MIR2052HG: variants seen among roughly 807,000 people sequenced by gnomAD.
MIR2052HG encodes the protein MIR2052 host gene.
intron 2 of MIR2052HG, among the ~76,000 whole-genome samples, chr8:74,699,221 G>T (rs536243960): frequency 5.3e-4 from 81 of 152,100 alleles, no homozygotes; most frequent in Non-Finnish European, 9.0e-4. Flanking sequence ...AGAACTAAAA[G>T]TAGATCTACC....
chr8:74,690,136 C>T (rs1809224434), intron 2 of MIR2052HG, among the ~76,000 whole-genome samples: 1 of 152,160 alleles, frequency 6.6e-6, no homozygotes, highest in African/African-American at 2.4e-5. Context: ...CATGTATTTC[C>T]ATACGTTGTT....
chr8:74,683,997 G>T (rs1809152801), intron 2 of MIR2052HG, among the ~76,000 whole-genome samples: 2 of 152,020 alleles, frequency 1.3e-5, no homozygotes, highest in South Asian at 4.2e-4. Context: ...CATTTCTCTT[G>T]CTTTGTCTGG....
chr8:74,639,419 C>T (rs962225769), intron 2 of MIR2052HG, among the ~76,000 whole-genome samples: 1 of 152,088 alleles, frequency 6.6e-6, no homozygotes, highest in African/African-American at 2.4e-5. Context: ...CATACATATC[C>T]TAATAATCCA....
chr8:74,739,901 G>A (rs1809808243), intron 4 of MIR2052HG, among the ~76,000 whole-genome samples: 1 of 152,104 alleles, frequency 6.6e-6, no homozygotes, highest in South Asian at 2.1e-4. Flanking sequence ...AATAGTATGA[G>A]ATCAGCAGGT....
chr8:74,638,000 A>T (rs1808600632), intron 2 of MIR2052HG, among the ~76,000 whole-genome samples: 1 of 152,208 alleles, frequency 6.6e-6, no homozygotes, highest in Non-Finnish European at 1.5e-5. Flanking sequence ...TGGCATTGAT[A>T]GATATTTACA....
At chr8:74,632,354 G>A (rs539712408) in intron 2 of MIR2052HG, 83 of 152,244 alleles carry the variant, frequency 5.5e-4, no homozygotes, top group African/African-American at 1.9e-3. Flanking sequence ...CAGAGCCTGC[G>A]TTTGTGATTG....
intron 4 of MIR2052HG, chr8:74,752,437 C>G (rs1304034309): frequency 4.4e-6 from 2 of 451,560 alleles, no homozygotes; most frequent in Non-Finnish European, 4.4e-6. Context: ...ATTTCATGCA[C>G]TAGGCCCGCG....
chr8:74,716,257 A>G (rs1302639234), intron 4 of MIR2052HG, among the ~76,000 whole-genome samples: 1 of 152,168 alleles, frequency 6.6e-6, no homozygotes, highest in African/African-American at 2.4e-5. Flanking sequence ...GGGTGCTTGT[A>G]GTAGGCAGTT....
intron 2 of MIR2052HG, among the ~76,000 whole-genome samples, chr8:74,689,843 T>C (rs1424326109): frequency 1.3e-5 from 2 of 152,316 alleles, no homozygotes; most frequent in East Asian, 3.9e-4. Context: ...CTGAACACTA[T>C]GGGAGATTCT....
intron 2 of MIR2052HG, among the ~76,000 whole-genome samples, chr8:74,618,482 T>C (rs1437548756): frequency 6.6e-6 from 1 of 152,158 alleles, no homozygotes; most frequent in Non-Finnish European, 1.5e-5. Context: ...GGAGGGGGCT[T>C]ATAGTACATT....
At position 74,716,157 on chromosome 8, in the gene MIR2052HG, C is replaced by A. The variant is rs983436835; in HGVS notation, n.371+12475C>A. Among the ~76,000 whole-genome samples, 3 of 152,242 alleles carry A rather than the reference C, an allele frequency of 2.0e-5. No individual in the cohort carries two copies. In the East Asian group the frequency reaches 5.8e-4, roughly 29 times the overall value. ...TGTACAACACACCTTGGATGAGTGC[C>A]ACCTGAACAGTGAGGAAGCTGGTGT... On this transcript the variant is annotated intron_variant and non_coding_transcript_variant, in intron 4 of 6. Transcript: ENST00000523442.
intron 2 of MIR2052HG, among the ~76,000 whole-genome samples, chr8:74,664,731 C>T (rs1337637120): frequency 1.3e-5 from 2 of 151,996 alleles, no homozygotes; most frequent in South Asian, 2.1e-4. Context: ...GTTGGCCAGC[C>T]GGTCTCGAAC....
intron 1 of MIR2052HG, among the ~76,000 whole-genome samples, chr8:74,604,583 CTTTTTTTTT>C (rs35641908): frequency 4.8e-4 from 24 of 50,034 alleles, no homozygotes; most frequent in Non-Finnish European, 7.5e-4. Flanking sequence ...TGTTTCTTTA[CTTTTTTTTT>C]TTTTTTTTTT....
At chr8:74,670,033 T>C (rs1808973729) in intron 2 of MIR2052HG, among the ~76,000 whole-genome samples, 1 of 152,168 alleles carries the variant, frequency 6.6e-6, no homozygotes, top group South Asian at 2.1e-4. Flanking sequence ...GAGAGATGTC[T>C]TTCTCTACCA....
intron 4 of MIR2052HG, among the ~76,000 whole-genome samples, chr8:74,704,373 T>C (rs1189967869): frequency 6.6e-6 from 1 of 152,008 alleles, no homozygotes; most frequent in African/African-American, 2.4e-5. Context: ...CTAACATCCA[T>C]GTGTGCCAAA....
At chr8:74,602,990 C>A in intron 1 of MIR2052HG, among the ~76,000 whole-genome samples, 1 of 141,680 alleles carries the variant, frequency 7.1e-6, no homozygotes, top group African/African-American at 2.6e-5. Flanking sequence ...ATTTCCATGA[C>A]AGACAGAAAA....
chr8:74,670,391 A>G (rs931862883), intron 2 of MIR2052HG, among the ~76,000 whole-genome samples: 1 of 152,182 alleles, frequency 6.6e-6, no homozygotes, highest in African/African-American at 2.4e-5. Flanking sequence ...ATGGCAGGCT[A>G]TATATCTAAA....
intron 2 of MIR2052HG, among the ~76,000 whole-genome samples, chr8:74,672,337 G>T (rs557755374): frequency 1.3e-5 from 2 of 152,148 alleles, no homozygotes; most frequent in African/African-American, 4.8e-5. Context: ...GTACATTGCT[G>T]TGTAGGTAGT....
chr8:74,652,024 A>G (rs1394586087), intron 2 of MIR2052HG, among the ~76,000 whole-genome samples: 10 of 152,156 alleles, frequency 6.6e-5, no homozygotes. Flanking sequence ...CTTATTTCTC[A>G]GTCGACTTAG....
Sources: gnomAD v4.1 joint callset for allele counts (sites outside exome capture counted in the v4.1 genomes callset) on GRCh38, gnomAD v4.1.1 for gene constraint, MANE v1.5 for transcripts, NCBI Gene and HGNC (gene_info 2026-07-23, HGNC 2026-07-21) for gene names.